The following NXF3 variants were observed in gnomAD, a reference collection of about 807,000 sequenced individuals.
NXF3 encodes nuclear RNA export factor 3.
In NXF3, 34 loss-of-function variants were observed where a neutral mutation model predicts 48.4. The ratio of observed to expected loss-of-function variants is 0.70; its 90% CI spans 0.53 to 0.93. The LOEUF is 0.93. NXF3 is among the 40% of genes least tolerant of loss of function. NXF3 has a pLI of 0.00. For synonymous variants in NXF3, 132 were observed against 145.7 expected (o/e 0.91, Z 0.68); for missense variants, 359 against 406.1 (o/e 0.88, Z 1.00).
At chrX:103,080,326 G>A (rs754979691) in intron 10 of NXF3, 110 bp from the exon 11 acceptor site, 29 of 817,506 alleles carry the variant, frequency 3.5e-5, no homozygotes, top group African/African-American at 2.1e-4. Context: ...GTGTGAAAGC[G>A]TTCTGGAAAT....
intron 1 of NXF3, among the ~76,000 whole-genome samples, chrX:103,090,455 C>A (rs1922247721): frequency 8.9e-6 from 1 of 112,036 alleles, no homozygotes; most frequent in Admixed American, 9.5e-5. Context: ...GGACTTATTT[C>A]ATAATGACAA....
chrX:103,088,088 A>G (rs1215582854), intron 1 of NXF3: 6 of 929,505 alleles, frequency 6.5e-6, no homozygotes, highest in Non-Finnish European at 7.7e-6. Context: ...CCAAAGTGTG[A>G]AAATGTTTTG....
At position 103,079,835 on chromosome X, in the gene NXF3, C is replaced by A. The variant is rs756273075; in HGVS notation, c.1088G>T (p.Gly363Val). ...CTCATCGTGGTAAGCACTAAGGAGA[C>A]CCTGTCGATCTCCAGAGTCATAGAT... ...YLIYDSGDRQ[G>V]LLSAYHDEAC... Residue 363 changes from glycine (G) to valine (V), a missense_variant, in exon 13 of 20, where the codon GGT (glycine) becomes GTT (valine). Physicochemically the swap from Gly to Val is moderately radical, Grantham distance 109 (BLOSUM62 -3). Transcript: ENST00000395065. The A allele has an allele frequency of 6.6e-6, 8 of 1,210,242 alleles. No individual in the cohort carries two copies. Among genetic ancestry groups the A allele is most frequent in the East Asian group, 3.0e-5 (1 of 33,795 alleles).
intron 1 of NXF3, among the ~76,000 whole-genome samples, chrX:103,092,234 T>TG (rs1368160743): frequency 6.7e-5 from 7 of 104,834 alleles, no homozygotes; most frequent in African/African-American, 2.8e-4. Flanking sequence ...GTAGAATTAT[T>TG]GTTTTTTTTT....
chrX:103,080,367 G>A (rs1048268514), intron 10 of NXF3, 151 bp from the exon 11 acceptor site: 5 of 642,600 alleles, frequency 7.8e-6, no homozygotes, highest in East Asian at 3.3e-5. Context: ...CGGGATTGCC[G>A]CCACCTGAAG....
chrX:103,082,412 A>G (rs1922039091), intron 8 of NXF3, 48 bp from the exon 9 acceptor site: 2 of 900,616 alleles, frequency 2.2e-6, no homozygotes, highest in Non-Finnish European at 3.2e-6. Flanking sequence ...GAGCAGCTGG[A>G]GGGCCCTGCA....
intron 1 of NXF3, chrX:103,087,622 G>C: frequency 2.1e-6 from 2 of 971,249 alleles, no homozygotes; most frequent in Non-Finnish European, 1.5e-6. Context: ...CATTACACCC[G>C]TGCTCTAAGT....
intron 1 of NXF3, chrX:103,087,622 G>A (rs1045281046): frequency 9.3e-6 from 9 of 969,620 alleles, no homozygotes; most frequent in African/African-American, 3.8e-5. Flanking sequence ...CATTACACCC[G>A]TGCTCTAAGT....
At chrX:103,084,156 G>A (rs976188585) in intron 3 of NXF3, among the ~76,000 whole-genome samples, 186 bp downstream of exon 3, 3 of 111,133 alleles carry the variant, frequency 2.7e-5, no homozygotes, top group Non-Finnish European at 3.8e-5. Flanking sequence ...TCTGCAGTCA[G>A]TCTGTTCCCC....
chrX:103,091,243 T>A (rs1165992754), intron 1 of NXF3, among the ~76,000 whole-genome samples: 1 of 111,865 alleles, frequency 8.9e-6, no homozygotes, highest in Non-Finnish European at 1.9e-5. Flanking sequence ...CTGTTTCATA[T>A]TGAAAGTTGG....
rs1322288294 is a variant in NXF3, at chrX:103,076,305, T to C, written c.1585-4A>G. On this transcript the variant is annotated splice_region_variant and splice_polypyrimidine_tract_variant and intron_variant, in intron 18 of 19. Transcript: ENST00000395065. ...ACACTGGTTGTTACGAAGGCAGCTG[T>C]GGTGGAGGAAGGACAGGTAACATCC... is the stretch of plus-strand genomic sequence containing the variant. 1 of 1,210,978 alleles carries C rather than the reference T, an allele frequency of 8.3e-7. No homozygotes were observed. The highest frequency in any genetic ancestry group is 1.1e-6 in the Non-Finnish European group (1 of 894,792).
At chrX:103,089,299 A>G in intron 1 of NXF3, 2 of 433,830 alleles carry the variant, frequency 4.6e-6, no homozygotes, top group South Asian at 7.2e-5. Flanking sequence ...ACCACTAACA[A>G]TTGTGGTCTC....
intron 3 of NXF3, 38 bp from the exon 4 acceptor site, chrX:103,083,730 T>C: frequency 9.5e-7 from 1 of 1,053,315 alleles, no homozygotes; most frequent in Non-Finnish European, 1.3e-6. Context: ...GAAAGGAGAC[T>C]GACATAATGG....
At chrX:103,089,366 T>G in intron 1 of NXF3, 1 of 320,250 alleles carries the variant, frequency 3.1e-6, no homozygotes, top group Non-Finnish European at 5.4e-6. Context: ...TCAAGAGGCC[T>G]GCATTAAATT....
intron 1 of NXF3, chrX:103,088,837 T>C (rs1160359174): frequency 2.6e-5 from 30 of 1,160,503 alleles, no homozygotes; most frequent in Non-Finnish European, 3.5e-5. Context: ...TTGAACAATC[T>C]TTCTAATCAT....
In NXF3 at chrX:103,078,638, A is replaced by G. The variant is rs1805591774; in HGVS notation, c.1379-6T>C. ...ACCCTGAGACTGTCCTTCCACTTCA[A>G]AGACAACAAACAACATTGCCTTAGA... On this transcript the variant is annotated splice_polypyrimidine_tract_variant and splice_region_variant and intron_variant, in intron 16 of 19. Coordinates refer to ENST00000395065, the MANE Select transcript of NXF3 (RefSeq NM_022052.2). 2 of 1,211,800 alleles carry G rather than the reference A, an allele frequency of 1.7e-6. No individual in the cohort carries two copies. The highest frequency in any genetic ancestry group is 3.0e-5 in the East Asian group (1 of 33,806).
At chrX:103,082,652 A>G in intron 8 of NXF3, 108 bp downstream of exon 8, 1 of 643,278 alleles carries the variant, frequency 1.6e-6, no homozygotes, top group Non-Finnish European at 2.5e-6. Flanking sequence ...GGAATGAATT[A>G]AGAACTAAGA....
chrX:103,076,983 C>T (rs1486015928), intron 18 of NXF3, among the ~76,000 whole-genome samples: 4 of 110,976 alleles, frequency 3.6e-5, no homozygotes, highest in Admixed American at 9.6e-5. Context: ...GGGCACATGT[C>T]CTTAACTTTG....
chrX:103,085,302 G>C (rs879138003), intron 1 of NXF3, among the ~76,000 whole-genome samples: 1 of 112,017 alleles, frequency 8.9e-6, no homozygotes, highest in Admixed American at 9.4e-5. Flanking sequence ...AATAAGCACA[G>C]CAGAAAGGGT....
Sources: gnomAD v4.1 joint callset for allele counts (sites outside exome capture counted in the v4.1 genomes callset) on GRCh38, gnomAD v4.1.1 for gene constraint, MANE v1.5 for transcripts, NCBI Gene and HGNC (gene_info 2026-07-23, HGNC 2026-07-21) for gene names.